The following PRKD3 variants were observed in gnomAD, a reference collection of about 807,000 sequenced individuals.
PRKD3 encodes the protein serine/threonine-protein kinase D3.
Under a neutral mutation model 99.2 loss-of-function variants are expected in PRKD3, and 47 were observed. The ratio of observed to expected loss-of-function variants is 0.47; its 90% CI spans 0.38 to 0.60. The LOEUF (loss-of-function observed/expected upper bound fraction) is 0.60, where lower values mean the gene tolerates loss of function less well. PRKD3 is among the 20% of genes least tolerant of loss of function. PRKD3 has a pLI of 0.00. For synonymous variants in PRKD3, 392 were observed against 355.4 expected, an observed-to-expected ratio of 1.10 and a Z score of -1.16; for missense variants, 1,019 against 1,088.4, an observed-to-expected ratio of 0.94 and a Z score of 0.90.
At chr2:37,296,742 T>C (rs985777733) in intron 2 of PRKD3, among the ~76,000 whole-genome samples, 2 of 151,224 alleles carry the variant, frequency 1.3e-5, no homozygotes, top group South Asian at 2.1e-4. Context: ...CTAAAAAATA[T>C]ACAAAAATTT....
chr2:37,263,836 A>G (rs1190722930), intron 14 of PRKD3, among the ~76,000 whole-genome samples: 1 of 152,108 alleles, frequency 6.6e-6, no homozygotes, highest in East Asian at 1.9e-4. Context: ...TTGAATTCTC[A>G]TCTTTTTTTT....
intron 14 of PRKD3, among the ~76,000 whole-genome samples, chr2:37,263,636 C>T (rs1046993964): frequency 7.2e-5 from 11 of 152,036 alleles, no homozygotes; most frequent in African/African-American, 2.7e-4. Flanking sequence ...AATGTGTTTT[C>T]CCTTGAGTTA....
chr2:37,277,482 A>T (rs937904942), intron 9 of PRKD3, among the ~76,000 whole-genome samples: 1 of 152,120 alleles, frequency 6.6e-6, no homozygotes, highest in Non-Finnish European at 1.5e-5. Context: ...GCACATTTAC[A>T]CTAAGTTAAA....
chr2:37,316,109 A>T, intron 2 of PRKD3, 128 bp downstream of exon 2: 1 of 978,964 alleles, frequency 1.0e-6, no homozygotes, highest in Non-Finnish European at 1.5e-6. Context: ...GGTCATTAGA[A>T]CTCTTCCAAA....
intron 2 of PRKD3, among the ~76,000 whole-genome samples, chr2:37,314,142 A>G (rs890133581): frequency 5.9e-5 from 9 of 152,176 alleles, no homozygotes; most frequent in Non-Finnish European, 1.3e-4. Flanking sequence ...AAAGAAGTCA[A>G]TAAAGATATA....
At chr2:37,304,774 AG>A (rs1251922829) in intron 2 of PRKD3, among the ~76,000 whole-genome samples, 1 of 151,634 alleles carries the variant, frequency 6.6e-6, no homozygotes, top group African/African-American at 2.4e-5. Flanking sequence ...AAAAAAAAAA[AG>A]AAATACCAGA....
chr2:37,274,308 A>G, intron 11 of PRKD3, 113 bp downstream of exon 11: 1 of 1,200,598 alleles, frequency 8.3e-7, no homozygotes, highest in Non-Finnish European at 1.2e-6. Flanking sequence ...AGTATTGGTT[A>G]CTAAAGACTA....
intron 17 of PRKD3, among the ~76,000 whole-genome samples, chr2:37,255,515 C>T (rs917512155): frequency 6.6e-6 from 1 of 152,218 alleles, no homozygotes; most frequent in South Asian, 2.1e-4. Flanking sequence ...ATTCAAAAGC[C>T]TTCACTAGGC....
intron 1 of PRKD3, among the ~76,000 whole-genome samples, chr2:37,318,631 C>T (rs1671760228): frequency 6.6e-6 from 1 of 152,208 alleles, no homozygotes; most frequent in African/African-American, 2.4e-5. Context: ...ATCTTCTCCA[C>T]AGTTTTAAAC....
chr2:37,263,687 G>T (rs1005412586), intron 14 of PRKD3, among the ~76,000 whole-genome samples: 1 of 152,086 alleles, frequency 6.6e-6, no homozygotes, highest in Non-Finnish European at 1.5e-5. Flanking sequence ...TTTTTGTTTG[G>T]AGAAGGGACC....
intron 13 of PRKD3, chr2:37,267,768 T>A (rs968593814): frequency 1.4e-5 from 6 of 435,086 alleles, no homozygotes; most frequent in African/African-American, 1.0e-4. Flanking sequence ...AGGAGAAAAT[T>A]TGAATGAACT....
intron 2 of PRKD3, among the ~76,000 whole-genome samples, chr2:37,294,282 AC>A (rs1670577602): frequency 6.6e-6 from 1 of 152,082 alleles, no homozygotes; most frequent in South Asian, 2.1e-4. Context: ...TTCTGTAGAG[AC>A]AGGGGTCTCG....
At chr2:37,322,771 T>A (rs1291114944) in intron 1 of PRKD3, among the ~76,000 whole-genome samples, 1 of 152,172 alleles carries the variant, frequency 6.6e-6, no homozygotes, top group Non-Finnish European at 1.5e-5. Context: ...TACATATATA[T>A]ATATAGCAAG....
At chr2:37,261,591 AC>A (rs1668458910) in intron 14 of PRKD3, among the ~76,000 whole-genome samples, 1 of 151,138 alleles carries the variant, frequency 6.6e-6, no homozygotes, top group South Asian at 2.1e-4. Flanking sequence ...GACCAGCCTG[AC>A]CAACATGGAG....
rs1669472795 is a variant in PRKD3, at chr2:37,274,695, T to A, written c.1377A>T (p.Glu459Asp). 1.9e-6 allele frequency: 3 copies of A among 1,611,220 alleles called. No homozygotes were observed. The highest frequency in any genetic ancestry group is 1.7e-5 in the Admixed American group (1 of 59,868). The change falls in exon 11 of 19, where the codon GAA becomes GAT. Residue 459 changes from glutamate (E) to aspartate (D), a missense_variant and splice_region_variant. Glu to Asp is a conservative substitution (Grantham distance 45). Coordinates refer to ENST00000234179, the MANE Select transcript of PRKD3 (RefSeq NM_005813.6). ...TGCGGAGAATTTCTGAAAGTGGAAT[T>A]TCCTGAAGTAAAAAATTAAGCATTG... ...QNESGSKYYK[E>D]IPLSEILRIS...
intron 4 of PRKD3, among the ~76,000 whole-genome samples, 197 bp from the exon 5 acceptor site, chr2:37,289,710 C>T (rs1426278292): frequency 6.6e-6 from 1 of 152,132 alleles, no homozygotes; most frequent in Non-Finnish European, 1.5e-5. Flanking sequence ...AAGGATAAGT[C>T]AGCTAGGGCA....
In PRKD3 at chr2:37,289,375, A is replaced by G. The variant is rs1271220155; in HGVS notation, c.698T>C (p.Val233Ala). The G allele has an allele frequency of 6.2e-7, 1 of 1,614,114 alleles. No individual in the cohort carries two copies. The highest frequency in any genetic ancestry group is 2.2e-5 in the East Asian group (1 of 44,872). Residue 233 changes from valine to alanine, a missense_variant, in exon 5 of 19, where the codon GTA becomes GCA. Coordinates refer to ENST00000234179, the MANE Select transcript of PRKD3 (RefSeq NM_005813.6). ...SVPRPLQPEYVALPSEESHVH... is the reference protein window; with the variant it reads ...SVPRPLQPEYAALPSEESHVH... ...ACGTACCTCTTCACTGGGAAGGGCT[A>G]CATATTCAGGCTGTAGGGGTCTTGG...
intron 2 of PRKD3, among the ~76,000 whole-genome samples, chr2:37,305,365 G>T (rs568087332): frequency 6.6e-6 from 1 of 152,308 alleles, no homozygotes; most frequent in East Asian, 1.9e-4. Context: ...GCTTTTGTAA[G>T]AATTATTCCA....
Position 37,290,950 on chromosome 2 carries a change from T to C in PRKD3, c.477A>G (p.Val159=), listed in dbSNP as rs540698127. ...DFQIRPHTLY[V]HSYKAPTFCD... The stretch of plus-strand genomic sequence containing the variant: ...AGAAAGTAGGAGCTTTGTAAGAATG[T>C]ACATAGAGAGTATGTGGACGAATCT... Residue 159 remains valine (V), a synonymous_variant, in exon 4 of 19, where the codon GTA becomes GTG. Transcript: ENST00000234179. 6 of 1,607,474 alleles carry C rather than the reference T, an allele frequency of 3.7e-6. No individual in the cohort carries two copies. The South Asian group carries it at 5.5e-5, about 15-fold the overall frequency.
Sources: allele counts gnomAD v4.1 joint callset (sites outside exome capture counted in the v4.1 genomes callset), GRCh38; gene constraint gnomAD v4.1.1; transcripts MANE v1.5; gene names NCBI Gene and HGNC (gene_info 2026-07-23, HGNC 2026-07-21).